Variants in WDR33 observed in about 807,000 individuals in gnomAD.
WDR33 encodes the protein WD repeat domain 33.
A neutral mutation model predicts 164.9 loss-of-function variants in WDR33; 47 were observed. The observed-to-expected ratio is 0.29, with a 90% confidence interval of 0.23 to 0.36. WDR33 has a LOEUF of 0.36. Among genes scored for constraint, WDR33 ranks in the 10% least tolerant of loss-of-function variants. The pLI is 1.00. For missense variants in WDR33, 1,137 were observed against 1,754.1 expected (o/e 0.65, Z 6.28); for synonymous variants, 505 against 589.0 (o/e 0.86, Z 2.06).
At position 127,763,802 on chromosome 2, in the gene WDR33, TC is replaced by T; in HGVS notation, c.627-644del. ...TCTGCTGCAAGAAGGAGTCAGTTTT[TC>T]CCAGCAGTGAAAGATCATCAAGTTT... On this transcript the variant is annotated intron_variant, in intron 6 of 21. Transcript: ENST00000322313. This position sits in a 1 kb window ranked among gnomAD's most constrained non-coding sequence, Gnocchi z 4.5. 4.1e-6 allele frequency: 4 copies of T among 985,608 alleles called. No individual in the cohort carries two copies. Among genetic ancestry groups the T allele is most frequent in the Non-Finnish European group, 4.8e-6 (4 of 830,064 alleles). 61.1% of individuals were successfully genotyped at this position (985,608 alleles called of 1,614,324 possible). A position where few individuals can be genotyped will look rare whatever the true frequency, so the allele number is the denominator to read the frequency against.
At position 127,710,692 on chromosome 2, in the gene WDR33, T is replaced by C. The variant is rs1686138186; in HGVS notation, c.3309-836A>G. Reference sequence around the variant, plus strand: ...TGTGCGAAAGAAGAGAAAGTGACCTTCTGGCAGCGCTCACTGAGAGGCGGT... The same window carrying C: ...TGTGCGAAAGAAGAGAAAGTGACCTCCTGGCAGCGCTCACTGAGAGGCGGT... On this transcript the variant is annotated intron_variant, in intron 18 of 21. Coordinates refer to ENST00000322313, the MANE Select transcript of WDR33 (RefSeq NM_018383.5). The surrounding 1 kb of genome is among the most constrained non-coding windows in gnomAD (Gnocchi z 4.4). Among the ~76,000 whole-genome samples the C allele has an allele frequency of 6.6e-6, 1 of 152,134 alleles. No individual in the cohort carries two copies. The highest frequency in any genetic ancestry group is 2.1e-4 in the South Asian group (1 of 4,822).
chr2:127,800,152 G>C (rs1689184557), intron 1 of WDR33, among the ~76,000 whole-genome samples: 1 of 152,160 alleles, frequency 6.6e-6, no homozygotes. Context: ...CTACGCCTAG[G>C]TAAATTCCCA....
rs998474394 is a variant in WDR33 at position 127,708,013 on chromosome 2, C to G, written c.3781+664G>C. Among the ~76,000 whole-genome samples the G allele has an allele frequency of 2.0e-5, 3 of 152,194 alleles. No individual in the cohort carries two copies. Among genetic ancestry groups the G allele is most frequent in the African/African-American group, 7.2e-5 (3 of 41,444 alleles). On this transcript the variant is annotated intron_variant, in intron 21 of 21. Coordinates refer to ENST00000322313, the MANE Select transcript of WDR33 (RefSeq NM_018383.5). The surrounding 1 kb of genome is among the most constrained non-coding windows in gnomAD (Gnocchi z 6.7). ...ACCGTCCATACAGACAGGCCAACTT[C>G]AGGAGCAGAGCACAAGCTGGGGCAT... is the stretch of plus-strand genomic sequence containing the variant.
In WDR33 at chr2:127,702,194, C is replaced by A; in HGVS notation, c.*4129G>T. 2 of 1,214,192 alleles carry A rather than the reference C, an allele frequency of 1.6e-6. No individual in the cohort carries two copies. Among genetic ancestry groups the A allele is most frequent in the Non-Finnish European group, 2.1e-6 (2 of 974,490 alleles). 75.2% of individuals were successfully genotyped at this position (1,214,192 alleles called of 1,614,324 possible). ...CCGTGTGAGGACCTCGCGCCCTCGC[C>A]GCTGGGGAAGTACGCGGAGCCAGCG... On this transcript the variant is annotated 3_prime_UTR_variant, in exon 22 of 22. Transcript: ENST00000322313.
intron 1 of WDR33, among the ~76,000 whole-genome samples, chr2:127,786,529 A>G (rs1011862882): frequency 6.6e-6 from 1 of 152,164 alleles, no homozygotes; most frequent in Non-Finnish European, 1.5e-5. Context: ...CTAAAAATAC[A>G]AACATTAGCT....
At chr2:127,742,609 A>G (rs1372999157) in intron 7 of WDR33, among the ~76,000 whole-genome samples, 1 of 151,772 alleles carries the variant, frequency 6.6e-6, no homozygotes, top group Non-Finnish European at 1.5e-5. Context: ...TCAGTATTCC[A>G]GGAGACAAAC....
At chr2:127,773,204 T>C (rs922716298) in intron 1 of WDR33, among the ~76,000 whole-genome samples, 1 of 152,214 alleles carries the variant, frequency 6.6e-6, no homozygotes, top group African/African-American at 2.4e-5. Context: ...GTTACAAACA[T>C]TTCCACAATT....
At chr2:127,751,751 C>T (rs74377541) in intron 7 of WDR33, among the ~76,000 whole-genome samples, 5,838 of 152,146 alleles carry the variant, frequency 0.038, 328 homozygotes, top group African/African-American at 0.12. Context: ...CTGTACTATA[C>T]GACCTCAAGA....
rs966103893 is a variant in WDR33, at chr2:127,726,672, G to A, written c.830C>T (p.Thr277Ile). 1.2e-6 allele frequency: 2 copies of A among 1,614,048 alleles called. No individual in the cohort carries two copies. Among genetic ancestry groups the A allele is most frequent in the African/African-American group, 2.7e-5 (2 of 74,932 alleles). ...QQPIKFWDPK[T>I]GQSLATLHAH... is the part of the protein sequence containing the mutation. ...TTACAGTGTTGCAAGACTCTGCCCA[G>A]TCTTGGGATCCCAGAACTTGATTGG... The change falls in exon 8 of 22, where the codon ACT (threonine) becomes ATT (isoleucine). Residue 277 changes from threonine to isoleucine, a missense_variant. By Grantham distance (89) the Thr-to-Ile change is moderately conservative. Transcript: ENST00000322313. This position sits in a 1 kb window ranked among gnomAD's most constrained non-coding sequence, Gnocchi z 4.8.
In WDR33 at chr2:127,724,033, G is replaced by A. The variant is rs945330706; in HGVS notation, c.1196+300C>T. Among the ~76,000 whole-genome samples, 2 of 151,900 alleles carry A rather than the reference G, an allele frequency of 1.3e-5. No individual in the cohort carries two copies. Among genetic ancestry groups the A allele is most frequent in the South Asian group, 2.1e-4 (1 of 4,812 alleles). On this transcript the variant is annotated intron_variant, in intron 11 of 21. Transcript: ENST00000322313. The surrounding 1 kb of genome is among the most constrained non-coding windows in gnomAD (Gnocchi z 4.8). ...GTTGAGGCTATAGTGAGCTGAGACC[G>A]CACCATTGCACGCCAGCCTGGACAG...
intron 7 of WDR33, among the ~76,000 whole-genome samples, chr2:127,732,108 A>AACACACACACACACAC (rs71394692): frequency 1.4e-5 from 2 of 138,210 alleles, no homozygotes; most frequent in Admixed American, 7.2e-5. Flanking sequence ...CAACATATAC[A>AACACACACACACACAC]ACACACACAC....
At chr2:127,736,345 A>C in intron 7 of WDR33, 2 of 985,428 alleles carry the variant, frequency 2.0e-6, no homozygotes, top group Non-Finnish European at 2.4e-6. Context: ...TGTAATGTGT[A>C]TTTCTTTACT....
intron 7 of WDR33, among the ~76,000 whole-genome samples, chr2:127,732,446 C>A (rs1686735895): frequency 6.6e-6 from 1 of 152,018 alleles, no homozygotes; most frequent in Non-Finnish European, 1.5e-5. Context: ...CTCAGCCTCC[C>A]CGGTAGCTGG....
chr2:127,778,808 T>C (rs1688276277), intron 1 of WDR33, among the ~76,000 whole-genome samples: 1 of 152,104 alleles, frequency 6.6e-6, no homozygotes, highest in African/African-American at 2.4e-5. Context: ...GCCAGCATAA[T>C]TTTTCCCCAA....
chr2:127,760,890 T>C (rs1249183706), intron 7 of WDR33, among the ~76,000 whole-genome samples: 1 of 152,118 alleles, frequency 6.6e-6, no homozygotes, highest in African/African-American at 2.4e-5. Flanking sequence ...AAACCTAAAA[T>C]AAAGAGACCT....
At chr2:127,777,710 A>T (rs905425127) in intron 1 of WDR33, among the ~76,000 whole-genome samples, 3 of 152,170 alleles carry the variant, frequency 2.0e-5, no homozygotes. Flanking sequence ...ACTGCAGCTC[A>T]AGTGATTCTC....
intron 7 of WDR33, among the ~76,000 whole-genome samples, chr2:127,732,227 C>T (rs1265113671): frequency 6.6e-6 from 1 of 150,980 alleles, no homozygotes; most frequent in Non-Finnish European, 1.5e-5. Context: ...AATACTTAAG[C>T]TAGTAACCGT....
chr2:127,770,664 C>T lies in WDR33; in HGVS notation c.204+114G>A. On this transcript the variant is annotated intron_variant, in intron 2 of 21. Coordinates refer to ENST00000322313, the MANE Select transcript of WDR33 (RefSeq NM_018383.5). This position sits in a 1 kb window ranked among gnomAD's most constrained non-coding sequence, Gnocchi z 4.9. ...CAAAACCACACCACTGCACTCTGGCCTGGGCAACAAGAAAGAAACTCCATC... is the reference window on the plus strand; with the variant it reads ...CAAAACCACACCACTGCACTCTGGCTTGGGCAACAAGAAAGAAACTCCATC... 2.5e-6 allele frequency: 2 copies of T among 793,108 alleles called. No homozygotes were observed. The highest frequency in any genetic ancestry group is 3.4e-6 in the Non-Finnish European group (2 of 594,892). The allele number at this position is 793,108 out of a possible 1,614,324, so 49.1% of individuals were successfully genotyped here. A position where few individuals can be genotyped will look rare whatever the true frequency, so the allele number is the denominator to read the frequency against.
At chr2:127,785,974 A>G (rs924850841) in intron 1 of WDR33, among the ~76,000 whole-genome samples, 4 of 152,188 alleles carry the variant, frequency 2.6e-5, no homozygotes, top group African/African-American at 9.7e-5. Context: ...CGTTGACAGC[A>G]TTTGGTGTGG....
Sources: gnomAD v4.1 joint callset for allele counts (sites outside exome capture counted in the v4.1 genomes callset) on GRCh38, gnomAD v4.1.1 for gene constraint, Gnocchi (gnomAD v3.1) non-coding constraint, MANE v1.5 for transcripts, NCBI Gene and HGNC (gene_info 2026-07-23, HGNC 2026-07-21) for gene names.